PRKN: variants seen among roughly 807,000 people sequenced by gnomAD.
PRKN encodes the protein parkin RBR E3 ubiquitin protein ligase.
In PRKN, 56 loss-of-function variants were observed where a neutral mutation model predicts 59.5. The ratio of observed to expected loss-of-function variants is 0.94; its 90% CI spans 0.76 to 1.18. PRKN has a LOEUF of 1.18. PRKN is among the 50% of genes most tolerant of loss of function. The pLI is 0.00. For synonymous variants in PRKN, 250 were observed against 222.1 expected (o/e 1.13, Z -1.12); for missense variants, 657 against 596.4 (o/e 1.10, Z -1.06).
chr6:162,475,102 T>TTCTCCC (rs1043969228), intron 1 of PRKN, among the ~76,000 whole-genome samples: 64 of 152,320 alleles, frequency 4.2e-4, no homozygotes, highest in African/African-American at 1.5e-3. Context: ...TTATCAGCAA[T>TTCTCCC]ATTAAAAATG....
intron 6 of PRKN, among the ~76,000 whole-genome samples, chr6:161,939,418 C>CA (rs34604240): frequency 0.037 from 1,471 of 39,506 alleles, 225 homozygotes; most frequent in African/African-American, 0.14. Context: ...GACTCTGTCT[C>CA]AAAAAAAAAA....
chr6:162,154,921 G>C (rs1782438880), intron 4 of PRKN, among the ~76,000 whole-genome samples: 1 of 150,762 alleles, frequency 6.6e-6, no homozygotes, highest in Non-Finnish European at 1.5e-5. Flanking sequence ...TGAAAAATCA[G>C]GTTACCAAAA....
chr6:162,232,474 G>C (rs987721616), intron 3 of PRKN, among the ~76,000 whole-genome samples: 9 of 152,300 alleles, frequency 5.9e-5, no homozygotes, highest in African/African-American at 7.2e-5. Context: ...ATGGCCAGTT[G>C]AATGTCAGGG....
rs536835338 is a variant in PRKN, at chr6:161,414,548, A to G, written c.1084-27671T>C. Among the ~76,000 whole-genome samples, 1 of 152,332 alleles carries G rather than the reference A, an allele frequency of 6.6e-6. No homozygotes were observed. The highest frequency in any genetic ancestry group is 2.1e-4 in the South Asian group (1 of 4,830). On this transcript the variant is annotated intron_variant, in intron 9 of 11. Coordinates refer to ENST00000366898, the MANE Select transcript of PRKN (RefSeq NM_004562.3). The surrounding 1 kb of genome is among the most constrained non-coding windows in gnomAD (Gnocchi z 5.3). ...TAGAGGAGTCGTGGTAGAATTATTT[A>G]TTCACTTCTAGCCTTTTGGCTGAGA... is the stretch of plus-strand genomic sequence containing the variant.
chr6:161,773,305 T>A (rs1286249125), intron 7 of PRKN, among the ~76,000 whole-genome samples: 2 of 152,364 alleles, frequency 1.3e-5, no homozygotes, highest in Non-Finnish European at 2.9e-5. Context: ...TAGTATTTTA[T>A]TGACTACGTT....
Position 162,474,383 on chromosome 6 carries a change from C to A in PRKN, c.8-30910G>T, listed in dbSNP as rs375184507. 4.5e-4 allele frequency among the ~76,000 whole-genome samples: 68 copies of A among 151,930 alleles called. No individual in the cohort carries two copies. In the South Asian group the frequency reaches 0.013, roughly 30 times the overall value. On this transcript the variant is annotated intron_variant, in intron 1 of 11. Coordinates refer to ENST00000366898, the MANE Select transcript of PRKN (RefSeq NM_004562.3). ...TAAATTGTGAAAATATATTTGAATG[C>A]TTTTTTTTAGAAATCACTATACTTC...
intron 2 of PRKN, among the ~76,000 whole-genome samples, chr6:162,406,280 G>GC (rs1261553360): frequency 6.6e-6 from 1 of 152,162 alleles, no homozygotes; most frequent in Non-Finnish European, 1.5e-5. Flanking sequence ...TCAGATGGCT[G>GC]CAAGAGTTGG....
intron 7 of PRKN, among the ~76,000 whole-genome samples, chr6:161,732,483 T>TGTG (rs1398832020): frequency 0.037 from 5,159 of 140,180 alleles, 319 homozygotes; most frequent in African/African-American, 0.15. Context: ...GGTTTTTTTT[T>TGTG]TTTGTGTGTG....
Position 162,399,115 on chromosome 6 carries a change from A to G in PRKN, c.171+44195T>C, listed in dbSNP as rs974098324. Among the ~76,000 whole-genome samples, 4 of 152,172 alleles carry G rather than the reference A, an allele frequency of 2.6e-5. 1 individual carries two copies. The East Asian group carries it at 7.7e-4, about 29-fold the overall frequency. ...CAGCATTTTCTCTCACCAAGGAACAATCCCCTCCCCATTTTTTTTCATCTT... is the reference window on the plus strand; with the variant it reads ...CAGCATTTTCTCTCACCAAGGAACAGTCCCCTCCCCATTTTTTTTCATCTT... On this transcript the variant is annotated intron_variant, in intron 2 of 11. Transcript: ENST00000366898.
chr6:161,653,567 T>A (rs1040591174), intron 7 of PRKN, among the ~76,000 whole-genome samples: 2 of 152,188 alleles, frequency 1.3e-5, no homozygotes, highest in Non-Finnish European at 2.9e-5. Context: ...TTCATGTAGT[T>A]CCCTCTAGGA....
chr6:161,359,187 T>C lies in PRKN; in HGVS notation c.1285+901A>G, dbSNP rs1205826030. On this transcript the variant is annotated intron_variant, in intron 11 of 11. Coordinates refer to ENST00000366898, the MANE Select transcript of PRKN (RefSeq NM_004562.3). This position sits in a 1 kb window ranked among gnomAD's most constrained non-coding sequence, Gnocchi z 5.4. ...TAATAAGGACACGCTGGGTAAATTA[T>C]TTATTTTCTCTGCAGGAAGCCACTG... Among the ~76,000 whole-genome samples, 1 of 152,202 alleles carries C rather than the reference T, an allele frequency of 6.6e-6. No homozygotes were observed.
At chr6:161,836,603 G>C (rs1792766278) in intron 6 of PRKN, among the ~76,000 whole-genome samples, 1 of 152,170 alleles carries the variant, frequency 6.6e-6, no homozygotes, top group Non-Finnish European at 1.5e-5. Flanking sequence ...GTGTAAACCA[G>C]AGACGATCAT....
intron 6 of PRKN, among the ~76,000 whole-genome samples, chr6:161,961,161 A>C (rs1417459464): frequency 1.3e-5 from 2 of 152,168 alleles, no homozygotes; most frequent in African/African-American, 4.8e-5. Flanking sequence ...AGCGCACAAG[A>C]AAACAGTCCT....
chr6:162,166,226 T>C, intron 4 of PRKN, among the ~76,000 whole-genome samples: 1 of 152,120 alleles, frequency 6.6e-6, no homozygotes, highest in East Asian at 1.9e-4. Context: ...GCATGAACGG[T>C]TGCTCCACAC....
chr6:162,567,341 C>A (rs954100627), intron 1 of PRKN, among the ~76,000 whole-genome samples: 1 of 152,142 alleles, frequency 6.6e-6, no homozygotes, highest in Admixed American at 6.6e-5. Context: ...TCCTTGTCTG[C>A]AGATGATATG....
Position 161,675,748 on chromosome 6 carries a change from C to G in PRKN, c.872-106332G>C, listed in dbSNP as rs141042579. Among the ~76,000 whole-genome samples, 370 of 152,270 alleles carry G rather than the reference C, an allele frequency of 2.4e-3. 2 individuals are homozygous for G. Among genetic ancestry groups the G allele is most frequent in the African/African-American group, 8.1e-3 (338 of 41,546 alleles). On this transcript the variant is annotated intron_variant, in intron 7 of 11. Coordinates refer to ENST00000366898, the MANE Select transcript of PRKN (RefSeq NM_004562.3). ...TACATCATGACCTGTAGTCTATATT[C>G]CTCACAAGAAGGTCCTCAAGGAATT...
chr6:161,390,561 T>A lies in PRKN; in HGVS notation c.1084-3684A>T, dbSNP rs1165157065. On this transcript the variant is annotated intron_variant, in intron 9 of 11. Coordinates refer to ENST00000366898, the MANE Select transcript of PRKN (RefSeq NM_004562.3). This position sits in a 1 kb window ranked among gnomAD's most constrained non-coding sequence, Gnocchi z 7.0. ...TGGAGTGCAGTGGCACCATCTCGGC[T>A]CACTGCAACCTCCGCCTCCCGGGTT... Among the ~76,000 whole-genome samples the A allele has an allele frequency of 6.6e-6, 1 of 152,232 alleles. No homozygotes were observed. The highest frequency in any genetic ancestry group is 1.5e-5 in the Non-Finnish European group (1 of 68,040).
intron 8 of PRKN, among the ~76,000 whole-genome samples, chr6:161,553,108 A>C (rs1195671127): frequency 6.6e-6 from 1 of 152,082 alleles, no homozygotes; most frequent in Admixed American, 6.5e-5. Flanking sequence ...TAAACACTAC[A>C]GTTCATTTTG....
intron 2 of PRKN, among the ~76,000 whole-genome samples, chr6:162,409,600 T>C (rs1299553180): frequency 6.6e-6 from 1 of 152,194 alleles, no homozygotes; most frequent in South Asian, 2.1e-4. Flanking sequence ...AGATTGAACA[T>C]ATCCTTTTAA....
Sources: allele counts gnomAD v4.1 joint callset (sites outside exome capture counted in the v4.1 genomes callset), GRCh38; gene constraint gnomAD v4.1.1; non-coding constraint Gnocchi (gnomAD v3.1); transcripts MANE v1.5; gene names NCBI Gene and HGNC (gene_info 2026-07-23, HGNC 2026-07-21).